Variants in DST observed in about 807,000 individuals in gnomAD.
DST encodes bullous pemphigoid antigen.
In DST, 253 loss-of-function variants were observed where a neutral mutation model predicts 875.2. That is an observed-to-expected ratio of 0.29 (90% CI 0.26 to 0.32). DST has a LOEUF of 0.32. Ranked by LOEUF, DST falls within the 10% of genes least tolerant of loss-of-function variation. DST has a pLI of 1.00. For missense variants in DST, 8,287 were observed against 9,111.6 expected, an observed-to-expected ratio of 0.91 and a Z score of 3.68; for synonymous variants, 3,124 against 3,197.1, an observed-to-expected ratio of 0.98 and a Z score of 0.77.
chr6:56,460,313 CT>C (rs1267529033), intron 102 of DST, 59 bp from the exon 103 acceptor site: 3 of 1,588,744 alleles, frequency 1.9e-6, no homozygotes, highest in Admixed American at 3.4e-5. Flanking sequence ...TGATATTCCA[CT>C]GACACCACTT....
At chr6:56,541,196 T>G (rs2097121645) in intron 61 of DST, 1 of 152,666 alleles carries the variant, frequency 6.6e-6, no homozygotes, top group Non-Finnish European at 1.5e-5. Context: ...CGCATGAGAT[T>G]TGGCTTTAGG....
intron 2 of DST, among the ~76,000 whole-genome samples, chr6:56,911,830 A>C (rs1180958158): frequency 1.3e-5 from 2 of 152,210 alleles, no homozygotes; most frequent in Non-Finnish European, 2.9e-5. Flanking sequence ...AGATTAGCCC[A>C]AGCAGGGATC....
At chr6:56,784,119 T>G (rs924065156) in intron 4 of DST, among the ~76,000 whole-genome samples, 23 of 152,364 alleles carry the variant, frequency 1.5e-4, no homozygotes, top group African/African-American at 3.1e-4. Context: ...AGCTTCCCTT[T>G]GTGGGTAACT....
chr6:56,587,221 C>T (rs935021590), intron 49 of DST, among the ~76,000 whole-genome samples: 7 of 152,026 alleles, frequency 4.6e-5, no homozygotes, highest in Non-Finnish European at 1.0e-4. Context: ...CTTAAAGGAG[C>T]TGATGGAGCT....
chr6:56,687,821 A>G (rs1342301950), intron 9 of DST, among the ~76,000 whole-genome samples: 1 of 152,032 alleles, frequency 6.6e-6, no homozygotes, highest in Non-Finnish European at 1.5e-5. Flanking sequence ...TTCACAAAAT[A>G]TTTTTAACTG....
intron 69 of DST, among the ~76,000 whole-genome samples, chr6:56,522,949 G>A (rs1391312470): frequency 1.3e-5 from 2 of 152,048 alleles, no homozygotes; most frequent in Non-Finnish European, 2.9e-5. Context: ...CACAAAGCTT[G>A]TAGAAAGAAA....
chr6:56,836,280 G>A (rs2099793433), intron 4 of DST, among the ~76,000 whole-genome samples: 1 of 152,042 alleles, frequency 6.6e-6, no homozygotes, highest in Admixed American at 6.5e-5. Context: ...TACATTTGAT[G>A]TTCAAATGCC....
intron 2 of DST, among the ~76,000 whole-genome samples, chr6:56,904,069 A>G (rs1050555720): frequency 6.6e-6 from 1 of 152,224 alleles, no homozygotes; most frequent in Non-Finnish European, 1.5e-5. Context: ...GAATAAAGTA[A>G]TGGAGGTAAA....
At chr6:56,944,530 GCTTT>G (rs1248670360) in intron 2 of DST, among the ~76,000 whole-genome samples, 1 of 152,090 alleles carries the variant, frequency 6.6e-6, no homozygotes, top group Non-Finnish European at 1.5e-5. Context: ...ATAGAAAGAG[GCTTT>G]CTTAGTTGGA....
At chr6:56,490,385 ATTAT>A (rs1032157605) in intron 85 of DST, among the ~76,000 whole-genome samples, 1 of 151,924 alleles carries the variant, frequency 6.6e-6, no homozygotes, top group Admixed American at 6.6e-5. Context: ...TTGGTTATAA[ATTAT>A]TTGTCACAAT....
chr6:56,523,201 G>A (rs534460440), intron 69 of DST, among the ~76,000 whole-genome samples: 1 of 152,114 alleles, frequency 6.6e-6, no homozygotes, highest in African/African-American at 2.4e-5. Context: ...GGGGACTGGT[G>A]GGTGGTATCA....
At chr6:56,699,445 A>G (rs2099281540) in intron 9 of DST, among the ~76,000 whole-genome samples, 3 of 152,242 alleles carry the variant, frequency 2.0e-5, no homozygotes, top group African/African-American at 7.2e-5. Flanking sequence ...TGTCTTTAAA[A>G]CTACATTTAA....
At position 56,788,128 on chromosome 6, in the gene DST, CAAAAAAAAAA is replaced by C. The variant is rs781369739; in HGVS notation, c.626-52849_626-52840del. 7.5e-4 allele frequency among the ~76,000 whole-genome samples: 20 copies of C among 26,600 alleles called. 1 individual carries two copies. In the East Asian group the frequency reaches 0.018, roughly 24 times the overall value. The allele number at this position is 26,600 out of a possible 152,430, so 17.5% of individuals were successfully genotyped here. On this transcript the variant is annotated intron_variant, in intron 4 of 103. Transcript: ENST00000680361. ...TGAGTGACAGAGCAAGACTCCGTCT[CAAAAAAAAAA>C]AAAAAAAAAAAAAAAAATCAGACTC... is the stretch of plus-strand genomic sequence containing the variant.
intron 12 of DST, among the ~76,000 whole-genome samples, chr6:56,650,664 A>T (rs1242918703): frequency 1.3e-5 from 2 of 152,234 alleles, no homozygotes; most frequent in African/African-American, 4.8e-5. Context: ...CAGAAAGTTA[A>T]ACCTTTTATT....
At chr6:56,654,287 CCCAGCTTTAT>C in intron 10 of DST, among the ~76,000 whole-genome samples, 1 of 117,558 alleles carries the variant, frequency 8.5e-6, no homozygotes, top group African/African-American at 6.3e-5. Flanking sequence ...ATGTTTATAT[CCCAGCTTTAT>C]CCCAGCTTTT....
chr6:56,678,339 G>C (rs886698275), intron 9 of DST, among the ~76,000 whole-genome samples: 4 of 152,158 alleles, frequency 2.6e-5, no homozygotes, highest in Non-Finnish European at 2.9e-5. Context: ...TATTCTTCCA[G>C]CACTTTCCTT....
At chr6:56,515,362 T>A in intron 72 of DST, 88 bp downstream of exon 72, 1 of 1,418,598 alleles carries the variant, frequency 7.0e-7, no homozygotes, top group Non-Finnish European at 9.7e-7. Context: ...CTTAATCATG[T>A]AAGTGTTTAA....
chr6:56,901,581 T>C (rs933775901), intron 2 of DST, among the ~76,000 whole-genome samples: 10 of 151,904 alleles, frequency 6.6e-5, no homozygotes, highest in African/African-American at 2.4e-4. Context: ...GGTGACAGAG[T>C]GAGACTCCAT....
At chr6:56,679,552 C>T (rs992467249) in intron 9 of DST, among the ~76,000 whole-genome samples, 3 of 149,418 alleles carry the variant, frequency 2.0e-5, no homozygotes, top group African/African-American at 7.5e-5. Flanking sequence ...CACTTGAGCC[C>T]AGGAGTTCAA....
Sources: gnomAD v4.1 joint callset for allele counts (sites outside exome capture counted in the v4.1 genomes callset) on GRCh38, gnomAD v4.1.1 for gene constraint, MANE v1.5 for transcripts, NCBI Gene and HGNC (gene_info 2026-07-23, HGNC 2026-07-21) for gene names.